DBH: variants seen among roughly 807,000 people sequenced by gnomAD.
DBH encodes dopamine beta-hydroxylase (dopamine beta-monooxygenase).
A neutral mutation model predicts 64.0 loss-of-function variants in DBH; 49 were observed. That is an observed-to-expected ratio of 0.77 (90% CI 0.61 to 0.97). The LOEUF is 0.97. DBH is among the 50% of genes least tolerant of loss of function. DBH has a pLI of 0.00. For synonymous variants in DBH, 343 were observed against 347.1 expected (o/e 0.99, Z 0.13); for missense variants, 828 against 826.6 (o/e 1.00, Z -0.02).
chr9:133,645,125 A>G (rs1425230218), intron 5 of DBH, among the ~76,000 whole-genome samples: 1 of 152,008 alleles, frequency 6.6e-6, no homozygotes, highest in Non-Finnish European at 1.5e-5. Flanking sequence ...CGCTGGGTGG[A>G]TGACCTCACC....
intron 8 of DBH, 123 bp downstream of exon 8, chr9:133,652,407 G>A: frequency 2.5e-6 from 3 of 1,211,890 alleles, no homozygotes; most frequent in Non-Finnish European, 3.6e-6. Flanking sequence ...AGCCATCCAG[G>A]GCAGGGGGAG....
rs369869392 is a variant in DBH at position 133,656,679 on chromosome 9, C to T, written c.1562+29C>T. On this transcript the variant is annotated intron_variant, in intron 10 of 11. Transcript: ENST00000393056. ...AGGGCTCCCTGCACAAGCTCCCTGC[C>T]CCCAGGGAACCCCGACACAGAACCT... 11 of 1,608,492 alleles carry T rather than the reference C, an allele frequency of 6.8e-6. No homozygotes were observed. The African/African-American group carries it at 1.5e-4, about 21-fold the overall frequency.
chr9:133,643,379 C>G lies in DBH; in HGVS notation c.745-34C>G. On this transcript the variant is annotated intron_variant, in intron 3 of 11. Transcript: ENST00000393056. The surrounding 1 kb of genome is among the most constrained non-coding windows in gnomAD (Gnocchi z 5.3). The stretch of plus-strand genomic sequence containing the variant: ...TGCTGGGGAGGGGAGGGTGGGCGGC[C>G]GGTTCCCGGGCTCAGAGGGCTGCCT... The G allele has an allele frequency of 6.2e-7, 1 of 1,612,640 alleles. No homozygotes were observed. The highest frequency in any genetic ancestry group is 8.5e-7 in the Non-Finnish European group (1 of 1,179,496).
At chr9:133,655,816 T>C (rs1832309962) in intron 9 of DBH, 1 of 153,430 alleles carries the variant, frequency 6.5e-6, no homozygotes, top group Non-Finnish European at 1.5e-5. Flanking sequence ...TCCAAGCTGC[T>C]GCTGTTCTTC....
chr9:133,643,662 G>A lies in DBH; in HGVS notation c.921+73G>A. 3 of 1,561,292 alleles carry A rather than the reference G, an allele frequency of 1.9e-6. No homozygotes were observed. Among genetic ancestry groups the A allele is most frequent in the African/African-American group, 1.4e-5 (1 of 73,762 alleles). The stretch of plus-strand genomic sequence containing the variant: ...GCATCCCCACACCTCTGTTTCCCCA[G>A]CTTCACCGTCTCAGAGGCTTCAAGA... On this transcript the variant is annotated intron_variant, in intron 4 of 11. Transcript: ENST00000393056. The surrounding 1 kb of genome is among the most constrained non-coding windows in gnomAD (Gnocchi z 5.3).
In DBH at chr9:133,647,833, C is replaced by T; in HGVS notation, c.1025-13C>T. The T allele has an allele frequency of 6.2e-7, 1 of 1,614,180 alleles. No homozygotes were observed. The highest frequency in any genetic ancestry group is 8.5e-7 in the Non-Finnish European group (1 of 1,180,022). On this transcript the variant is annotated splice_polypyrimidine_tract_variant and intron_variant, in intron 5 of 11. Coordinates refer to ENST00000393056, the MANE Select transcript of DBH (RefSeq NM_000787.4). ...ACTTACCGCTCACCTCCATCCATCC[C>T]ACCTTCTCCCAGGACGAAACGACTC...
chr9:133,657,418 GA>G (rs1832340369), intron 11 of DBH, 189 bp downstream of exon 11: 1 of 331,362 alleles, frequency 3.0e-6, no homozygotes, highest in African/African-American at 8.1e-5. Flanking sequence ...GGAGAGAGGA[GA>G]GAGAGGAGAG....
At chr9:133,657,457 A>T in intron 11 of DBH, 5 of 286,750 alleles carry the variant, frequency 1.7e-5, no homozygotes, top group East Asian at 1.3e-4. Flanking sequence ...GAGAGGAGAG[A>T]GGGAGAGGGA....
Position 133,642,253 on chromosome 9 carries a change from G to C in DBH, c.533G>C (p.Arg178Pro). The C allele has an allele frequency of 2.5e-6, 4 of 1,613,934 alleles. No homozygotes were observed. The highest frequency in any genetic ancestry group is 3.4e-6 in the Non-Finnish European group (4 of 1,180,004). ...TACGGGATCCTGGAGGAGCCGTTCC[G>C]GTCACTGGAGGCCATCAACGGCTCG... Reference protein sequence around the residue: ...LVYGILEEPFRSLEAINGSGL... With the variant: ...LVYGILEEPFPSLEAINGSGL... Residue 178 changes from arginine to proline, a missense_variant, in exon 3 of 12, where the codon CGG becomes CCG. Arg to Pro is a moderately radical substitution (Grantham distance 103). Coordinates refer to ENST00000393056, the MANE Select transcript of DBH (RefSeq NM_000787.4).
intron 6 of DBH, among the ~76,000 whole-genome samples, chr9:133,649,806 G>A (rs545874751): frequency 6.6e-6 from 1 of 152,338 alleles, no homozygotes; most frequent in South Asian, 2.1e-4. Context: ...GCAGGGCCTT[G>A]GGGCCTTCGA....
rs755133909 is a variant in DBH at position 133,644,242 on chromosome 9, G to C, written c.946G>C (p.Gly316Arg). ...AKAFYYPEEA[G>R]LAFGGPGSSR... is the part of the protein sequence containing the mutation. ...GGCATTTTACTACCCAGAGGAAGCC[G>C]GCCTTGCCTTCGGGGGTCCAGGGTC... is the stretch of plus-strand genomic sequence containing the variant. Residue 316 changes from glycine to arginine, a missense_variant, in exon 5 of 12, where the codon GGC becomes CGC. Coordinates refer to ENST00000393056, the MANE Select transcript of DBH (RefSeq NM_000787.4). The C allele has an allele frequency of 1.9e-6, 3 of 1,614,016 alleles. No individual in the cohort carries two copies. In the African/African-American group the frequency reaches 4.0e-5, roughly 22 times the overall value.
At chr9:133,653,428 A>C (rs1423708256) in intron 9 of DBH, among the ~76,000 whole-genome samples, 1 of 152,174 alleles carries the variant, frequency 6.6e-6, no homozygotes, top group Non-Finnish European at 1.5e-5. Context: ...TGCTAACAAC[A>C]AGCAAAATTA....
chr9:133,655,314 AGAG>A (rs1230888252), intron 9 of DBH: 1 of 152,136 alleles, frequency 6.6e-6, no homozygotes, highest in Non-Finnish European at 1.5e-5. Context: ...CCCAGGTGAA[AGAG>A]GAGAACAGAT....
At chr9:133,646,610 G>A (rs947070864) in intron 5 of DBH, among the ~76,000 whole-genome samples, 2 of 152,118 alleles carry the variant, frequency 1.3e-5, no homozygotes, top group African/African-American at 2.4e-5. Context: ...TGCAACCTCC[G>A]CCTCCCAGGT....
rs995522215 is a variant in DBH at position 133,658,687 on chromosome 9, G to C, written c.*240G>C. The C allele has an allele frequency of 2.4e-6, 1 of 421,504 alleles. No individual in the cohort carries two copies. Among genetic ancestry groups the C allele is most frequent in the African/African-American group, 2.0e-5 (1 of 49,410 alleles). The allele number at this position is 421,504 out of a possible 1,614,324, so 26.1% of individuals were successfully genotyped here. A position where few individuals can be genotyped will look rare whatever the true frequency, so the allele number is the denominator to read the frequency against. ...CCTGGACCGAGTGGACCACGACCTCGTCCATTTAAACCCGGCTGACTCAGT... is the reference window on the plus strand; with the variant it reads ...CCTGGACCGAGTGGACCACGACCTCCTCCATTTAAACCCGGCTGACTCAGT... On this transcript the variant is annotated 3_prime_UTR_variant, in exon 12 of 12. Coordinates refer to ENST00000393056, the MANE Select transcript of DBH (RefSeq NM_000787.4).
chr9:133,646,226 C>T (rs896976925), intron 5 of DBH, among the ~76,000 whole-genome samples: 1 of 151,986 alleles, frequency 6.6e-6, no homozygotes, highest in Non-Finnish European at 1.5e-5. Context: ...TGAATTAAAA[C>T]CCCTTGTCAA....
Position 133,658,573 on chromosome 9 carries a change from G to A in DBH, c.*126G>A, listed in dbSNP as rs757675251. Reference sequence around the variant, plus strand: ...GCCCAGGATGAAGGGGCCAGACCACGCCCCTGCCTGAGACCACGGTCCAAT... The same window carrying A: ...GCCCAGGATGAAGGGGCCAGACCACACCCCTGCCTGAGACCACGGTCCAAT... On this transcript the variant is annotated 3_prime_UTR_variant, in exon 12 of 12. Transcript: ENST00000393056. 37 of 1,134,614 alleles carry A rather than the reference G, an allele frequency of 3.3e-5. No homozygotes were observed. The African/African-American group carries it at 3.9e-4, about 12-fold the overall frequency. The allele number at this position is 1,134,614 out of a possible 1,614,324, so 70.3% of individuals were successfully genotyped here.
chr9:133,658,469 T>C lies in DBH; in HGVS notation c.*22T>C, dbSNP rs761788921. ...CTGAGGGGGGACCTACTCCTCCCCC[T>C]CCTCCATGCTGTCCCTGTGGGCTCA... On this transcript the variant is annotated 3_prime_UTR_variant, in exon 12 of 12. Transcript: ENST00000393056. 6.3e-7 allele frequency: 1 copy of C among 1,591,146 alleles called. No individual in the cohort carries two copies. Among genetic ancestry groups the C allele is most frequent in the Non-Finnish European group, 8.6e-7 (1 of 1,166,882 alleles).
chr9:133,653,001 T>C lies in DBH; in HGVS notation c.1434+2T>C, dbSNP rs1283218129. On this transcript the variant is annotated splice_donor_variant, in intron 9 of 11. Transcript: ENST00000393056. LOFTEE classifies it high-confidence loss of function. ...GAAGACCGGGAGCTGGCCACAGTGG[T>C]AAGTCACCCCCGCTTCCCCCTGCAC... 3 of 1,611,064 alleles carry C rather than the reference T, an allele frequency of 1.9e-6. No homozygotes were observed. The highest frequency in any genetic ancestry group is 4.5e-5 in the East Asian group (2 of 44,842).
Sources: gnomAD v4.1 joint callset for allele counts (sites outside exome capture counted in the v4.1 genomes callset) on GRCh38, gnomAD v4.1.1 for gene constraint, Gnocchi (gnomAD v3.1) non-coding constraint, MANE v1.5 for transcripts, NCBI Gene and HGNC (gene_info 2026-07-23, HGNC 2026-07-21) for gene names.